Variants in LRP6 observed in about 807,000 individuals in gnomAD.
The protein encoded by LRP6 is LDL receptor related protein 6.
In LRP6, 43 loss-of-function variants were observed where a neutral mutation model predicts 184.1. The ratio of observed to expected loss-of-function variants is 0.23; its 90% CI spans 0.18 to 0.30. LRP6 has a LOEUF of 0.30. Among genes scored for constraint, LRP6 ranks in the 10% least tolerant of loss-of-function variants. The pLI, the probability that LRP6 is intolerant of heterozygous loss-of-function variation, is 1.00. For missense variants in LRP6, 1,571 were observed against 2,005.3 expected, an observed-to-expected ratio of 0.78 and a Z score of 4.14; for synonymous variants, 719 against 684.9, an observed-to-expected ratio of 1.05 and a Z score of -0.78.
chr12:12,251,587 C>T (rs1865327362), intron 1 of LRP6, among the ~76,000 whole-genome samples: 1 of 151,866 alleles, frequency 6.6e-6, no homozygotes, highest in Admixed American at 6.6e-5. Flanking sequence ...CCAGGATGGT[C>T]TCGATCTCCT....
chr12:12,181,478 C>G (rs1476247318), intron 5 of LRP6, 39 bp from the exon 6 acceptor site: 1 of 928,938 alleles, frequency 1.1e-6, no homozygotes, highest in East Asian at 2.4e-5. Flanking sequence ...CTTTGAAACC[C>G]AGAGGTAAAA....
At chr12:12,194,369 GA>G (rs1282902033) in intron 3 of LRP6, among the ~76,000 whole-genome samples, 1 of 151,958 alleles carries the variant, frequency 6.6e-6, no homozygotes, top group Non-Finnish European at 1.5e-5. Context: ...TCAGATGAAG[GA>G]AAAAAACTTG....
In LRP6 at chr12:12,165,438, T is replaced by C. The variant is rs1328329617; in HGVS notation, c.1546-143A>G. 5.8e-6 allele frequency: 4 copies of C among 693,936 alleles called. No individual in the cohort carries two copies. In the East Asian group the frequency reaches 8.0e-5, roughly 14 times the overall value. 43.0% of individuals were successfully genotyped at this position (693,936 alleles called of 1,614,324 possible). A position where few individuals can be genotyped will look rare whatever the true frequency, so the allele number is the denominator to read the frequency against. On this transcript the variant is annotated intron_variant, in intron 7 of 22. Coordinates refer to ENST00000261349, the MANE Select transcript of LRP6 (RefSeq NM_002336.3). ...ACAATGCTTTCTCAAAATTACATGA[T>C]GATTTTATAAAAATGATTTCAAATT...
At chr12:12,153,965 A>T (rs1486036078) in intron 12 of LRP6, among the ~76,000 whole-genome samples, 1 of 152,236 alleles carries the variant, frequency 6.6e-6, no homozygotes, top group Non-Finnish European at 1.5e-5. Flanking sequence ...GCTCTGTGCC[A>T]GGGGCATTGA....
chr12:12,180,118 T>C (rs1255436459), intron 6 of LRP6, 137 bp from the exon 7 acceptor site: 8 of 674,118 alleles, frequency 1.2e-5, no homozygotes, highest in South Asian at 3.6e-5. Flanking sequence ...AAAAAAAACA[T>C]ATGAAGAGGT....
At chr12:12,250,823 T>C (rs751155136) in intron 1 of LRP6, among the ~76,000 whole-genome samples, 4 of 151,912 alleles carry the variant, frequency 2.6e-5, no homozygotes, top group Non-Finnish European at 5.9e-5. Context: ...GGTTTCACCA[T>C]GTTGGCCAGG....
chr12:12,233,997 T>C (rs952220116), intron 2 of LRP6, among the ~76,000 whole-genome samples: 4 of 152,034 alleles, frequency 2.6e-5, no homozygotes, highest in Non-Finnish European at 5.9e-5. Flanking sequence ...ACATTCAAAA[T>C]GTTAAGTTTT....
intron 1 of LRP6, among the ~76,000 whole-genome samples, chr12:12,250,640 T>C (rs907266077): frequency 6.6e-6 from 1 of 152,240 alleles, no homozygotes; most frequent in Admixed American, 6.5e-5. Context: ...GGTTTTGTTT[T>C]GAGACAAAGT....
intron 7 of LRP6, among the ~76,000 whole-genome samples, chr12:12,173,117 AC>A (rs1301014623): frequency 6.6e-6 from 1 of 152,126 alleles, no homozygotes; most frequent in African/African-American, 2.4e-5. Flanking sequence ...GCTTTCTAAA[AC>A]CTGAATTACT....
At chr12:12,207,245 G>A (rs534174959) in intron 2 of LRP6, among the ~76,000 whole-genome samples, 48 of 152,276 alleles carry the variant, frequency 3.2e-4, no homozygotes, top group Non-Finnish European at 5.6e-4. Flanking sequence ...TGGACTGGGC[G>A]CAGTGGCTCA....
At chr12:12,213,589 G>A (rs1274661719) in intron 2 of LRP6, among the ~76,000 whole-genome samples, 1 of 151,860 alleles carries the variant, frequency 6.6e-6, no homozygotes, top group Non-Finnish European at 1.5e-5. Flanking sequence ...TCTCTTCAAA[G>A]ATTAAACATT....
chr12:12,214,632 T>C (rs1002902278), intron 2 of LRP6, among the ~76,000 whole-genome samples: 1 of 152,244 alleles, frequency 6.6e-6, no homozygotes, highest in Admixed American at 6.5e-5. Flanking sequence ...TTCTAAGTCA[T>C]GTGAGAACTT....
chr12:12,133,072 C>G (rs901005272), intron 17 of LRP6, among the ~76,000 whole-genome samples: 1 of 152,012 alleles, frequency 6.6e-6, no homozygotes, highest in African/African-American at 2.4e-5. Context: ...TTAATAAGAG[C>G]CTATTATGTA....
At chr12:12,127,242 A>C (rs1269260367) in intron 19 of LRP6, among the ~76,000 whole-genome samples, 3 of 152,232 alleles carry the variant, frequency 2.0e-5, no homozygotes, top group Non-Finnish European at 4.4e-5. Context: ...GCTTTAAATA[A>C]ATAAACAGAT....
intron 1 of LRP6, among the ~76,000 whole-genome samples, chr12:12,253,636 C>G (rs1172515576): frequency 6.9e-6 from 1 of 145,378 alleles, no homozygotes; most frequent in Non-Finnish European, 1.5e-5. Flanking sequence ...CAAGTGTTCT[C>G]ACTGTTTAAT....
chr12:12,125,881 C>G (rs1949665769), intron 20 of LRP6, among the ~76,000 whole-genome samples: 2 of 152,124 alleles, frequency 1.3e-5, no homozygotes, highest in Non-Finnish European at 1.5e-5. Context: ...TTGCTAGAAT[C>G]AAAACTACCA....
At chr12:12,193,310 A>C (rs1328524744) in intron 3 of LRP6, among the ~76,000 whole-genome samples, 1 of 151,760 alleles carries the variant, frequency 6.6e-6, no homozygotes, top group Non-Finnish European at 1.5e-5. Flanking sequence ...ACCTTAAGAA[A>C]CTGTAAGAAG....
chr12:12,265,174 T>C (rs1865724961), intron 1 of LRP6, among the ~76,000 whole-genome samples: 1 of 152,190 alleles, frequency 6.6e-6, no homozygotes, highest in African/African-American at 2.4e-5. Context: ...TTCTAACAGC[T>C]ACAGCAAAAC....
Position 12,130,782 on chromosome 12 carries a change from C to T in LRP6, c.4081+1G>A, listed in dbSNP as rs772263272. On this transcript the variant is annotated splice_donor_variant, in intron 19 of 22. Coordinates refer to ENST00000261349, the MANE Select transcript of LRP6 (RefSeq NM_002336.3). LOFTEE classifies it high-confidence loss of function. ...AATTTATAGATCTCAGTCCTACTTACAACAATCCAGTTCATCTGACTTGTC... is the reference window on the plus strand; with the variant it reads ...AATTTATAGATCTCAGTCCTACTTATAACAATCCAGTTCATCTGACTTGTC... 1 of 1,594,822 alleles carries T rather than the reference C, an allele frequency of 6.3e-7. No individual in the cohort carries two copies. Among genetic ancestry groups the T allele is most frequent in the Non-Finnish European group, 8.6e-7 (1 of 1,162,426 alleles).
Sources: gnomAD v4.1 joint callset for allele counts (sites outside exome capture counted in the v4.1 genomes callset) on GRCh38, gnomAD v4.1.1 for gene constraint, MANE v1.5 for transcripts, NCBI Gene and HGNC (gene_info 2026-07-23, HGNC 2026-07-21) for gene names.